Variants in SPSB1 observed in about 807,000 individuals in gnomAD.
SPSB1 encodes splA/ryanodine receptor domain and SOCS box containing 1.
In SPSB1, 8 loss-of-function variants were observed where a neutral mutation model predicts 21.2. The ratio of observed to expected loss-of-function variants is 0.38; its 90% CI spans 0.22 to 0.68. The LOEUF is 0.68. Among genes scored for constraint, SPSB1 ranks in the 30% least tolerant of loss-of-function variants. SPSB1 has a pLI of 0.53. For synonymous variants in SPSB1, 169 were observed against 161.7 expected (o/e 1.05, Z -0.34); for missense variants, 242 against 377.8 (o/e 0.64, Z 2.98).
At chr1:9,318,436 G>A (rs1187617149) in intron 1 of SPSB1, among the ~76,000 whole-genome samples, 1 of 152,152 alleles carries the variant, frequency 6.6e-6, no homozygotes, top group Non-Finnish European at 1.5e-5. Context: ...TATCGCCCAC[G>A]AAGCCCCCCT....
At chr1:9,313,678 G>A (rs1355688516) in intron 1 of SPSB1, among the ~76,000 whole-genome samples, 6 of 152,184 alleles carry the variant, frequency 3.9e-5, no homozygotes, top group African/African-American at 9.6e-5. Flanking sequence ...GGGAGGGGTC[G>A]AGTGAGCACA....
chr1:9,366,316 T>A (rs1479414081), intron 2 of SPSB1, among the ~76,000 whole-genome samples: 1 of 152,246 alleles, frequency 6.6e-6, no homozygotes, highest in East Asian at 1.9e-4. Context: ...GAGCTTGGCC[T>A]GGGCCCTCAG....
At chr1:9,326,019 G>A (rs774046073) in intron 1 of SPSB1, among the ~76,000 whole-genome samples, 34 of 152,110 alleles carry the variant, frequency 2.2e-4, no homozygotes, top group Non-Finnish European at 4.1e-4. Flanking sequence ...GCCAGGAGGA[G>A]TGTGGGCTCC....
At chr1:9,328,356 T>C (rs1639853198) in intron 1 of SPSB1, among the ~76,000 whole-genome samples, 1 of 152,238 alleles carries the variant, frequency 6.6e-6, no homozygotes, top group Admixed American at 6.5e-5. Context: ...CTGCTAGAGT[T>C]CAGCAGAACC....
intron 1 of SPSB1, among the ~76,000 whole-genome samples, chr1:9,337,226 CCT>C (rs149657401): frequency 3.2e-4 from 49 of 152,252 alleles, no homozygotes; most frequent in African/African-American, 1.1e-3. Context: ...AGGATCTGAG[CCT>C]CTAACCCCCG....
intron 1 of SPSB1, among the ~76,000 whole-genome samples, chr1:9,350,821 G>A (rs12562427): frequency 0.079 from 12,053 of 152,316 alleles, 730 homozygotes; most frequent in East Asian, 0.29. Context: ...GGCCCCACAA[G>A]GCTTAGGCAT....
intron 1 of SPSB1, among the ~76,000 whole-genome samples, chr1:9,325,803 G>A (rs1226722525): frequency 6.6e-6 from 1 of 152,182 alleles, no homozygotes; most frequent in African/African-American, 2.4e-5. Flanking sequence ...CCTCAGTGAC[G>A]TGGTGACCTC....
rs749429213 is a variant in SPSB1 at position 9,356,582 on chromosome 1, G to A, written c.691G>A (p.Asp231Asn). The A allele has an allele frequency of 1.2e-5, 19 of 1,583,130 alleles. No homozygotes were observed. The highest frequency in any genetic ancestry group is 1.6e-5 in the Non-Finnish European group (18 of 1,160,408). Reference sequence around the variant, plus strand: ...CCGAATGCGCTACTTGAACGGACTCGATCGTAAGTGTCTCCTCTGCTGTCA... The same window carrying A: ...CCGAATGCGCTACTTGAACGGACTCAATCGTAAGTGTCTCCTCTGCTGTCA... ...EIRMRYLNGL[D>N]PEPLPLMDLC... The change falls in exon 2 of 3, where the codon GAT becomes AAT. Residue 231 changes from aspartate to asparagine, a missense_variant. Coordinates refer to ENST00000328089, the MANE Select transcript of SPSB1 (RefSeq NM_025106.4). This position sits in a 1 kb window ranked among gnomAD's most constrained non-coding sequence, Gnocchi z 7.4.
chr1:9,356,072 C>T lies in SPSB1; in HGVS notation c.181C>T (p.Arg61Ter), dbSNP rs1228655687. The T allele has an allele frequency of 1.2e-6, 2 of 1,613,434 alleles. No individual in the cohort carries two copies. Among genetic ancestry groups the T allele is most frequent in the Non-Finnish European group, 1.7e-6 (2 of 1,179,568 alleles). The change falls in exon 2 of 3, where the codon CGA (arginine) becomes TGA (stop). Residue 61 changes from arginine to a stop codon, truncating the protein, a stop_gained. Transcript: ENST00000328089. LOFTEE classifies it high-confidence loss of function. This position sits in a 1 kb window ranked among gnomAD's most constrained non-coding sequence, Gnocchi z 7.4. Reference protein sequence around the residue: ...QLLHSWNNNDRSLNVFVKEDD... With the variant: ...QLLHSWNNND ...GCTGCATTCATGGAACAACAACGACCGATCGCTCAATGTCTTTGTGAAGGA... is the reference window on the plus strand; with the variant it reads ...GCTGCATTCATGGAACAACAACGACTGATCGCTCAATGTCTTTGTGAAGGA...
At chr1:9,296,613 C>CAT (rs1639230634) in intron 1 of SPSB1, among the ~76,000 whole-genome samples, 1 of 41,428 alleles carries the variant, frequency 2.4e-5, no homozygotes, top group Non-Finnish European at 7.5e-5. Context: ...CATATGCACA[C>CAT]ACATATATGC....
At position 9,345,157 on chromosome 1, in the gene SPSB1, TC is replaced by T. The variant is rs1319140074; in HGVS notation, c.-149-10584del. Among the ~76,000 whole-genome samples, 1 of 152,106 alleles carries T rather than the reference TC, an allele frequency of 6.6e-6. No homozygotes were observed. Among genetic ancestry groups the T allele is most frequent in the African/African-American group, 2.4e-5 (1 of 41,408 alleles). On this transcript the variant is annotated intron_variant, in intron 1 of 2. Coordinates refer to ENST00000328089, the MANE Select transcript of SPSB1 (RefSeq NM_025106.4). The surrounding 1 kb of genome is among the most constrained non-coding windows in gnomAD (Gnocchi z 4.8). ...AGAGAACCAGCTTCTCTGCAGAGCC[TC>T]CTCCTGGGAGTCACTGGGCCCACCT... is the stretch of plus-strand genomic sequence containing the variant.
chr1:9,354,107 G>A (rs1640321814), intron 1 of SPSB1, among the ~76,000 whole-genome samples: 1 of 152,136 alleles, frequency 6.6e-6, no homozygotes, highest in African/African-American at 2.4e-5. Context: ...CAGCTGAGAG[G>A]GAGCTCTAGG....
At chr1:9,295,223 T>TGTGTGTGTGTGTGAGAGTGTGAGA (rs1557442072) in intron 1 of SPSB1, among the ~76,000 whole-genome samples, 72 of 147,434 alleles carry the variant, frequency 4.9e-4, no homozygotes, top group Middle Eastern at 6.9e-3. Context: ...TGTGAGTGTG[T>TGTGTGTGTGTGTGAGAGTGTGAGA]GTGTGTGTGT....
intron 1 of SPSB1, among the ~76,000 whole-genome samples, chr1:9,336,523 G>A (rs1313231404): frequency 6.6e-6 from 1 of 152,100 alleles, no homozygotes; most frequent in Non-Finnish European, 1.5e-5. Context: ...ACCACGTCCG[G>A]CTCCTCCTCC....
At chr1:9,347,990 G>C (rs1447913284) in intron 1 of SPSB1, among the ~76,000 whole-genome samples, 1 of 146,018 alleles carries the variant, frequency 6.8e-6, no homozygotes, top group Non-Finnish European at 1.5e-5. Context: ...TGACGCCCAG[G>C]TTCGAGTGCA....
intron 1 of SPSB1, among the ~76,000 whole-genome samples, chr1:9,353,734 C>T (rs1036763065): frequency 2.0e-5 from 3 of 152,094 alleles, no homozygotes; most frequent in Admixed American, 2.0e-4. Flanking sequence ...GCCTGGACAA[C>T]ATGGTGAAAC....
At chr1:9,331,321 GTTTTTTTTT>G (rs34199175) in intron 1 of SPSB1, among the ~76,000 whole-genome samples, 1 of 53,704 alleles carries the variant, frequency 1.9e-5, no homozygotes. Context: ...TGGTGCTCTT[GTTTTTTTTT>G]TTTTTTTTTT....
At chr1:9,306,983 A>G (rs1423148125) in intron 1 of SPSB1, among the ~76,000 whole-genome samples, 3 of 148,630 alleles carry the variant, frequency 2.0e-5, no homozygotes, top group African/African-American at 7.5e-5. Flanking sequence ...GCTAGGGTGC[A>G]GCGGCACAGT....
intron 1 of SPSB1, among the ~76,000 whole-genome samples, chr1:9,316,488 C>T (rs1325309530): frequency 3.9e-5 from 6 of 152,138 alleles, no homozygotes; most frequent in Non-Finnish European, 7.4e-5. Context: ...TTGATGGGCA[C>T]GTAGGGCAGG....
Sources: allele counts gnomAD v4.1 joint callset (sites outside exome capture counted in the v4.1 genomes callset), GRCh38; gene constraint gnomAD v4.1.1; non-coding constraint Gnocchi (gnomAD v3.1); transcripts MANE v1.5; gene names NCBI Gene and HGNC (gene_info 2026-07-23, HGNC 2026-07-21).